GRID2: variants seen among roughly 807,000 people sequenced by gnomAD.
GRID2 encodes glutamate ionotropic receptor delta type subunit 2.
In GRID2, 33 loss-of-function variants were observed where a neutral mutation model predicts 114.8. The observed-to-expected ratio is 0.29, with a 90% CI of 0.22 to 0.38. GRID2 has a LOEUF of 0.38. GRID2 is among the 10% of genes least tolerant of loss of function. GRID2 has a pLI of 1.00. For synonymous variants in GRID2, 505 were observed against 449.9 expected (o/e 1.12, Z -1.55); for missense variants, 1,184 against 1,257.7 (o/e 0.94, Z 0.89).
chr4:92,395,373 ATAT>A (rs539329475), intron 1 of GRID2, among the ~76,000 whole-genome samples: 2 of 151,794 alleles, frequency 1.3e-5, no homozygotes, highest in African/African-American at 2.4e-5. Context: ...ATAAAATAAA[ATAT>A]TATTTTTACA....
At chr4:93,132,699 A>T (rs1734911556) in intron 4 of GRID2, among the ~76,000 whole-genome samples, 1 of 152,184 alleles carries the variant, frequency 6.6e-6, no homozygotes, top group Admixed American at 6.5e-5. Context: ...TTGGCAAAGG[A>T]ATTTCATACC....
intron 13 of GRID2, among the ~76,000 whole-genome samples, chr4:93,574,478 C>T (rs1337578834): frequency 1.3e-5 from 2 of 152,148 alleles, no homozygotes; most frequent in African/African-American, 4.8e-5. Flanking sequence ...CTTACAGTTC[C>T]ATGTGGCTGC....
chr4:92,573,517 G>C (rs1030440661), intron 1 of GRID2, among the ~76,000 whole-genome samples: 3 of 152,040 alleles, frequency 2.0e-5, no homozygotes, highest in African/African-American at 7.2e-5. Context: ...TTGTTTCTCT[G>C]TTGTCATTAG....
chr4:92,959,491 A>G (rs1752647001), intron 2 of GRID2, among the ~76,000 whole-genome samples: 1 of 151,928 alleles, frequency 6.6e-6, no homozygotes, highest in Non-Finnish European at 1.5e-5. Flanking sequence ...AACCTTCAGC[A>G]ATCCCACTGT....
chr4:93,087,945 C>A lies in GRID2; in HGVS notation c.529+2666C>A, dbSNP rs373593498. On this transcript the variant is annotated intron_variant, in intron 3 of 15. Coordinates refer to ENST00000282020, the MANE Select transcript of GRID2 (RefSeq NM_001510.4). ...GTTCAAACATTGGAATTGTATGTGA[C>A]TTTTATCTTGGTTATGAAGAATTGC... Among the ~76,000 whole-genome samples the A allele has an allele frequency of 4.6e-5, 7 of 152,042 alleles. No individual in the cohort carries two copies. In the East Asian group the frequency reaches 9.6e-4, roughly 21 times the overall value.
chr4:93,089,055 T>C (rs77490976), intron 3 of GRID2, among the ~76,000 whole-genome samples: 3,714 of 152,180 alleles, frequency 0.024, 148 homozygotes, highest in African/African-American at 0.08. Flanking sequence ...AGTTATTATT[T>C]TATTATTATT....
At chr4:92,822,177 G>A (rs755678055) in intron 2 of GRID2, 3 of 418,020 alleles carry the variant, frequency 7.2e-6, no homozygotes, top group Non-Finnish European at 1.4e-5. Flanking sequence ...GCCTGTGGTA[G>A]CGCAGAACCA....
At chr4:92,726,055 G>A (rs1736054983) in intron 2 of GRID2, among the ~76,000 whole-genome samples, 1 of 152,016 alleles carries the variant, frequency 6.6e-6, no homozygotes, top group Non-Finnish European at 1.5e-5. Flanking sequence ...GCAAAGTTAA[G>A]TTTATTGCTT....
At chr4:93,012,130 G>T (rs968355719) in intron 2 of GRID2, among the ~76,000 whole-genome samples, 5 of 148,258 alleles carry the variant, frequency 3.4e-5, no homozygotes, top group Non-Finnish European at 7.4e-5. Context: ...GTGTACTTCA[G>T]ATAAGAAGAG....
At chr4:92,638,067 T>C (rs988913106) in intron 2 of GRID2, among the ~76,000 whole-genome samples, 4 of 151,998 alleles carry the variant, frequency 2.6e-5, no homozygotes, top group Admixed American at 6.6e-5. Flanking sequence ...TCCTGACATG[T>C]ATAGCTCACA....
intron 14 of GRID2, among the ~76,000 whole-genome samples, chr4:93,683,978 G>A (rs1725844476): frequency 6.6e-6 from 1 of 151,964 alleles, no homozygotes; most frequent in Admixed American, 6.6e-5. Flanking sequence ...GTAGAGGAGA[G>A]ACATAAGGTA....
At chr4:92,556,191 A>T (rs1442771883) in intron 1 of GRID2, among the ~76,000 whole-genome samples, 1 of 152,094 alleles carries the variant, frequency 6.6e-6, no homozygotes, top group African/African-American at 2.4e-5. Context: ...TCTAATAACA[A>T]AAGGCAAAGG....
At chr4:92,659,409 C>CAATTGATGTAAT (rs901269527) in intron 2 of GRID2, among the ~76,000 whole-genome samples, 21 of 151,436 alleles carry the variant, frequency 1.4e-4, no homozygotes, top group African/African-American at 5.1e-4. Context: ...AATTACATCA[C>CAATTGATGTAAT]TTTGGTGGGG....
chr4:92,425,749 G>A (rs1365321686), intron 1 of GRID2, among the ~76,000 whole-genome samples: 1 of 152,010 alleles, frequency 6.6e-6, no homozygotes, highest in African/African-American at 2.4e-5. Context: ...TGTCCCAGCT[G>A]TGTGATTTAA....
rs184860683 is a variant in GRID2 at position 92,984,970 on chromosome 4, T to C, written c.245-100025T>C. ...TTAACAAGTCTTATTACTGATTGTA[T>C]TAACCTTGACTAACTACGTTTAACA... is the stretch of plus-strand genomic sequence containing the variant. On this transcript the variant is annotated intron_variant, in intron 2 of 15. Transcript: ENST00000282020. Among the ~76,000 whole-genome samples the C allele has an allele frequency of 1.7e-3, 264 of 152,222 alleles. 1 individual carries two copies. Among genetic ancestry groups the C allele is most frequent in the African/African-American group, 6.2e-3 (259 of 41,552 alleles).
intron 8 of GRID2, among the ~76,000 whole-genome samples, chr4:93,266,718 C>T (rs1028395729): frequency 1.3e-5 from 2 of 152,100 alleles, no homozygotes; most frequent in South Asian, 2.1e-4. Flanking sequence ...AATCCTTTTC[C>T]AGGGTTTTTA....
chr4:92,738,757 T>C (rs1051960554), intron 2 of GRID2, among the ~76,000 whole-genome samples: 3 of 152,232 alleles, frequency 2.0e-5, no homozygotes, highest in East Asian at 1.9e-4. Context: ...GCTTAAGTGA[T>C]TCTCCTACCT....
intron 1 of GRID2, among the ~76,000 whole-genome samples, chr4:93,805,934 T>A (rs1735020114): frequency 1.3e-5 from 2 of 152,072 alleles, no homozygotes; most frequent in Non-Finnish European, 2.9e-5. Context: ...CCATCTTTAC[T>A]AAAAATACAA....
At chr4:92,343,516 A>G (rs1432353926) in intron 1 of GRID2, among the ~76,000 whole-genome samples, 1 of 152,098 alleles carries the variant, frequency 6.6e-6, no homozygotes, top group Non-Finnish European at 1.5e-5. Flanking sequence ...CTAATAGCAT[A>G]AACAGTATAT....
Sources: allele counts gnomAD v4.1 joint callset (sites outside exome capture counted in the v4.1 genomes callset), GRCh38; gene constraint gnomAD v4.1.1; transcripts MANE v1.5; gene names NCBI Gene and HGNC (gene_info 2026-07-23, HGNC 2026-07-21).